The following SIPA1L3 variants were observed in gnomAD, a reference collection of about 807,000 sequenced individuals.
The protein encoded by SIPA1L3 is signal induced proliferation associated 1 like 3.
SIPA1L3 carries 59 observed loss-of-function variants against 150.1 expected under a neutral mutation model. The observed-to-expected ratio is 0.39, with a 90% CI of 0.32 to 0.49. The LOEUF (loss-of-function observed/expected upper bound fraction) is 0.49. Ranked by LOEUF, SIPA1L3 falls within the 20% of genes least tolerant of loss-of-function variation. The probability of loss-of-function intolerance (pLI) is 0.86; values close to 1 mark genes in which losing one functional copy is unlikely to be tolerated. For synonymous variants in SIPA1L3, 1,070 were observed against 1,077.6 expected (o/e 0.99, Z 0.14); for missense variants, 2,211 against 2,489.5 (o/e 0.89, Z 2.38).
At chr19:38,194,539 T>A (rs1972878259) in intron 18 of SIPA1L3, among the ~76,000 whole-genome samples, 1 of 152,192 alleles carries the variant, frequency 6.6e-6, no homozygotes, top group Non-Finnish European at 1.5e-5. Context: ...GGGGTGCCCC[T>A]GACCTTTTTG....
chr19:38,117,867 C>A (rs1430319107), intron 8 of SIPA1L3, among the ~76,000 whole-genome samples: 1 of 151,998 alleles, frequency 6.6e-6, no homozygotes, highest in Non-Finnish European at 1.5e-5. Context: ...CTCACTGCAA[C>A]CTCCGCCTCC....
intron 2 of SIPA1L3, among the ~76,000 whole-genome samples, chr19:38,058,566 C>T (rs929408362): frequency 7.2e-5 from 11 of 152,138 alleles, no homozygotes; most frequent in African/African-American, 2.4e-4. Flanking sequence ...CCAGGCAGCC[C>T]GCAATGTTTG....
chr19:38,022,277 A>G (rs1390658040), intron 1 of SIPA1L3, among the ~76,000 whole-genome samples: 1 of 152,220 alleles, frequency 6.6e-6, no homozygotes, highest in Non-Finnish European at 1.5e-5. Context: ...AGAACAGAAA[A>G]CAGAGCCGGG....
intron 2 of SIPA1L3, among the ~76,000 whole-genome samples, chr19:38,069,351 T>G (rs1056531107): frequency 3.3e-5 from 5 of 152,138 alleles, no homozygotes; most frequent in Non-Finnish European, 5.9e-5. Flanking sequence ...CATACGTGAC[T>G]CTTTGAGCAG....
At chr19:38,065,370 G>A (rs1047084023) in intron 2 of SIPA1L3, among the ~76,000 whole-genome samples, 1 of 151,696 alleles carries the variant, frequency 6.6e-6, no homozygotes, top group Non-Finnish European at 1.5e-5. Context: ...GCCTTGCAAG[G>A]GGTGACTCTC....
At chr19:38,149,568 G>A (rs1971774651) in intron 12 of SIPA1L3, among the ~76,000 whole-genome samples, 1 of 152,178 alleles carries the variant, frequency 6.6e-6, no homozygotes, top group Non-Finnish European at 1.5e-5. Flanking sequence ...TGACAAGATT[G>A]TTTCTTTCCC....
At chr19:38,115,115 C>T (rs575780092) in intron 8 of SIPA1L3, among the ~76,000 whole-genome samples, 16 of 152,176 alleles carry the variant, frequency 1.1e-4, no homozygotes, top group Non-Finnish European at 1.9e-4. Flanking sequence ...AGAGCAGGAA[C>T]CTTTATCCAC....
At chr19:38,076,502 C>T (rs1289156173) in intron 2 of SIPA1L3, among the ~76,000 whole-genome samples, 3 of 152,174 alleles carry the variant, frequency 2.0e-5, no homozygotes, top group Non-Finnish European at 4.4e-5. Flanking sequence ...GTGTGACACT[C>T]ATCATCTCCG....
chr19:38,144,519 A>C (rs1568574396), intron 12 of SIPA1L3, among the ~76,000 whole-genome samples: 1 of 152,228 alleles, frequency 6.6e-6, no homozygotes, highest in Non-Finnish European at 1.5e-5. Flanking sequence ...CTGAGCCCCA[A>C]ATTTCTGACC....
At chr19:38,067,006 A>G (rs951775752) in intron 2 of SIPA1L3, among the ~76,000 whole-genome samples, 1 of 150,854 alleles carries the variant, frequency 6.6e-6, no homozygotes, top group Non-Finnish European at 1.5e-5. Flanking sequence ...GGAGGCCAAG[A>G]TGGGAGGATC....
chr19:37,966,740 C>T (rs989643203), intron 1 of SIPA1L3, among the ~76,000 whole-genome samples: 11 of 152,170 alleles, frequency 7.2e-5, no homozygotes, highest in Non-Finnish European at 1.2e-4. Flanking sequence ...CTCATTCATG[C>T]CCACTTACTC....
At chr19:38,110,654 C>G (rs1438800889) in intron 8 of SIPA1L3, among the ~76,000 whole-genome samples, 1 of 152,148 alleles carries the variant, frequency 6.6e-6, no homozygotes, top group Non-Finnish European at 1.5e-5. Flanking sequence ...TGGCTTAAGA[C>G]AAAAAGACAG....
At chr19:38,131,117 GT>G (rs750915149) in intron 10 of SIPA1L3, among the ~76,000 whole-genome samples, 1 of 152,214 alleles carries the variant, frequency 6.6e-6, no homozygotes, top group African/African-American at 2.4e-5. Flanking sequence ...TTCAAAATGT[GT>G]TTATTGAGCC....
At chr19:38,168,349 T>C (rs1021483451) in intron 15 of SIPA1L3, among the ~76,000 whole-genome samples, 1 of 151,846 alleles carries the variant, frequency 6.6e-6, no homozygotes, top group Admixed American at 6.6e-5. Context: ...ACTGCACCAC[T>C]ACACTCCAGC....
intron 1 of SIPA1L3, among the ~76,000 whole-genome samples, chr19:38,018,946 C>T (rs928210818): frequency 6.6e-6 from 1 of 152,146 alleles, no homozygotes; most frequent in Non-Finnish European, 1.5e-5. Flanking sequence ...CTTTACCTCT[C>T]CCTAAGGCAA....
chr19:38,106,538 C>A lies in SIPA1L3; in HGVS notation c.2031C>A (p.Thr677=). Residue 677 remains threonine (T), a splice_region_variant and synonymous_variant, in exon 7 of 22, where the codon ACC becomes ACA. Coordinates refer to ENST00000222345, the MANE Select transcript of SIPA1L3 (RefSeq NM_015073.3). ...TKYAAQLDVK[T]DSTGTHSLYT... ...TCCTAACTGGCATTTCTGTTTCAGCCGACTCCACGGGAACCCACTCCCTCT... is the reference window on the plus strand; with the variant it reads ...TCCTAACTGGCATTTCTGTTTCAGCAGACTCCACGGGAACCCACTCCCTCT... 1 of 1,608,692 alleles carries A rather than the reference C, an allele frequency of 6.2e-7. No homozygotes were observed. The highest frequency in any genetic ancestry group is 8.5e-7 in the Non-Finnish European group (1 of 1,175,688).
chr19:38,137,628 A>G (rs1376702511), intron 10 of SIPA1L3, among the ~76,000 whole-genome samples: 1 of 151,832 alleles, frequency 6.6e-6, no homozygotes, highest in Admixed American at 6.6e-5. Flanking sequence ...ATTGATTAAT[A>G]TTTTCCTCTT....
chr19:38,121,395 G>A (rs764833268), intron 9 of SIPA1L3, among the ~76,000 whole-genome samples: 7 of 151,664 alleles, frequency 4.6e-5, no homozygotes, highest in Non-Finnish European at 1.0e-4. Context: ...CTGAGATCAC[G>A]CCACTGCGCT....
chr19:38,150,804 G>A (rs1367536314), intron 12 of SIPA1L3, among the ~76,000 whole-genome samples: 1 of 152,122 alleles, frequency 6.6e-6, no homozygotes, highest in South Asian at 2.1e-4. Context: ...GCCTCCCAAA[G>A]TGCTGGGATT....
Sources: allele counts gnomAD v4.1 joint callset (sites outside exome capture counted in the v4.1 genomes callset), GRCh38; gene constraint gnomAD v4.1.1; transcripts MANE v1.5; gene names NCBI Gene and HGNC (gene_info 2026-07-23, HGNC 2026-07-21).